TCF25: variants seen among roughly 807,000 people sequenced by gnomAD.
TCF25 encodes ribosome quality control complex subunit TCF25.
Under a neutral mutation model 83.1 loss-of-function variants are expected in TCF25, and 41 were observed. The ratio of observed to expected loss-of-function variants is 0.49; its 90% confidence interval spans 0.38 to 0.64. The LOEUF (loss-of-function observed/expected upper bound fraction) is 0.64, where lower values mean the gene tolerates loss of function less well. TCF25 is among the 30% of genes least tolerant of loss of function. The probability of loss-of-function intolerance (pLI) is 0.00; values close to 1 mark genes in which losing one functional copy is unlikely to be tolerated. For synonymous variants in TCF25, 458 were observed against 365.0 expected, an observed-to-expected ratio of 1.25 and a Z score of -2.90; for missense variants, 979 against 914.5, an observed-to-expected ratio of 1.07 and a Z score of -0.91.
intron 1 of TCF25, chr16:89,878,605 C>T: frequency 8.7e-7 from 1 of 1,143,930 alleles, no homozygotes; most frequent in Non-Finnish European, 1.1e-6. Flanking sequence ...GACCCTAAAA[C>T]TAATGAAAAT....
chr16:89,886,436 AAT>A (rs2043024115), intron 4 of TCF25, among the ~76,000 whole-genome samples: 1 of 149,468 alleles, frequency 6.7e-6, no homozygotes, highest in East Asian at 2.0e-4. Context: ...TCAAAAAAAT[AAT>A]AATAATAATA....
At chr16:89,897,268 T>C (rs755901623) in intron 9 of TCF25, among the ~76,000 whole-genome samples, 2 of 152,242 alleles carry the variant, frequency 1.3e-5, no homozygotes, top group Non-Finnish European at 2.9e-5. Flanking sequence ...CAGATACTTC[T>C]GCCCCTAAAG....
chr16:89,899,668 C>T (rs1044409097), intron 11 of TCF25, among the ~76,000 whole-genome samples: 5 of 151,632 alleles, frequency 3.3e-5, no homozygotes, highest in East Asian at 3.9e-4. Context: ...GTGGAGGTTG[C>T]GGTGAGCCGA....
intron 6 of TCF25, among the ~76,000 whole-genome samples, chr16:89,893,397 G>C (rs7199685): frequency 0.22 from 33,813 of 152,200 alleles, 6,073 homozygotes; most frequent in African/African-American, 0.49. Flanking sequence ...AGTGCTCGGC[G>C]TGGTCAGATC....
At chr16:89,906,384 T>C in intron 15 of TCF25, 100 bp downstream of exon 15, 1 of 1,207,670 alleles carries the variant, frequency 8.3e-7, no homozygotes, top group Non-Finnish European at 1.2e-6. Context: ...TGGTGCGGGC[T>C]CCCTCAGCAG....
chr16:89,911,203 G>T lies in TCF25; in HGVS notation c.1996G>T (p.Glu666Ter). Reference protein sequence around the residue: ...FHLNDLEAPHEDDAEGEGEWD With the variant: ...FHLNDLEAPH ...CCTCAACGACCTGGAGGCGCCGCAC[G>T]AGGACGACGCTGAGGGGGAGGGGGA... Residue 666 changes from glutamate (E) to a stop codon, truncating the protein, a stop_gained, in exon 18 of 18, where the codon GAG becomes TAG. Transcript: ENST00000263346. LOFTEE classifies it high-confidence loss of function. 1 of 1,612,466 alleles carries T rather than the reference G, an allele frequency of 6.2e-7. No individual in the cohort carries two copies. Among genetic ancestry groups the T allele is most frequent in the Non-Finnish European group, 8.5e-7 (1 of 1,179,936 alleles).
intron 1 of TCF25, among the ~76,000 whole-genome samples, chr16:89,881,604 C>T: frequency 6.6e-6 from 1 of 152,082 alleles, no homozygotes; most frequent in Non-Finnish European, 1.5e-5. Context: ...AGGTGTGTGC[C>T]ACCACACCCT....
intron 13 of TCF25, chr16:89,904,558 T>A: frequency 2.1e-6 from 1 of 486,212 alleles, no homozygotes; most frequent in African/African-American, 1.9e-5. Flanking sequence ...CCAGCCTGGG[T>A]GATGGTGAGA....
intron 5 of TCF25, chr16:89,890,378 C>T (rs971971871): frequency 6.6e-6 from 1 of 152,224 alleles, no homozygotes; most frequent in Admixed American, 6.6e-5. Context: ...AGTAGAGTTA[C>T]GTGGCTCACA....
chr16:89,879,321 CTG>C (rs138441461), intron 1 of TCF25, among the ~76,000 whole-genome samples: 2,467 of 131,918 alleles, frequency 0.019, 215 homozygotes, highest in African/African-American at 0.076. Flanking sequence ...GTCACACGTG[CTG>C]TTCGTGTACA....
chr16:89,895,928 G>A (rs2043815301), intron 8 of TCF25, 62 bp from the exon 9 acceptor site: 1 of 1,450,206 alleles, frequency 6.9e-7, no homozygotes, highest in African/African-American at 1.4e-5. Context: ...CATTATCAGA[G>A]GAGGGGCCGT....
intron 2 of TCF25, among the ~76,000 whole-genome samples, chr16:89,884,332 G>A (rs1306677447): frequency 3.3e-5 from 5 of 152,152 alleles, no homozygotes; most frequent in African/African-American, 7.2e-5. Context: ...AGCTGGACCT[G>A]GTCAGGGTCC....
At chr16:89,892,115 T>C (rs1487674922) in intron 5 of TCF25, 78 bp from the exon 6 acceptor site, 3 of 1,418,082 alleles carry the variant, frequency 2.1e-6, no homozygotes, top group Admixed American at 2.5e-5. Context: ...CCACAGCCCG[T>C]GCAGGGATCA....
rs748716945 is a variant in TCF25 at position 89,898,862 on chromosome 16, A to G, written c.1211A>G (p.Gln404Arg). ...RNYEYLIRLF[Q>R]EWEAHRNLSQ... ...TACGAGTACCTGATCCGCCTCTTCC[A>G]GGAGTGGGAGGTGGGTGCGAGCCTG... Residue 404 changes from glutamine to arginine, a missense_variant, in exon 11 of 18, where the codon CAG becomes CGG. Transcript: ENST00000263346. 2 of 1,613,726 alleles carry G rather than the reference A, an allele frequency of 1.2e-6. No homozygotes were observed. Among genetic ancestry groups the G allele is most frequent in the South Asian group, 2.2e-5 (2 of 91,076 alleles).
intron 1 of TCF25, among the ~76,000 whole-genome samples, chr16:89,876,758 C>T (rs915780747): frequency 6.6e-6 from 1 of 152,036 alleles, no homozygotes; most frequent in East Asian, 1.9e-4. Flanking sequence ...AACCCCGCCT[C>T]TACTAAAGAA....
intron 12 of TCF25, chr16:89,901,113 G>T: frequency 4.1e-6 from 1 of 246,014 alleles, no homozygotes; most frequent in Admixed American, 4.7e-5. Context: ...GGAGAGCAAA[G>T]CAGGGGAAGG....
At chr16:89,874,656 C>T (rs1001044412) in intron 1 of TCF25, 1 of 152,316 alleles carries the variant, frequency 6.6e-6, no homozygotes, top group African/African-American at 2.4e-5. Context: ...GGTCCTGTGA[C>T]GTTTTCTCCT....
At chr16:89,883,732 G>A (rs928983117) in intron 2 of TCF25, 6 of 550,806 alleles carry the variant, frequency 1.1e-5, no homozygotes, top group Admixed American at 3.1e-5. Context: ...GAGAGTCTGC[G>A]CCTGCCCAGC....
intron 12 of TCF25, 30 bp from the exon 13 acceptor site, chr16:89,904,088 G>GC (rs1567733410): frequency 6.3e-7 from 1 of 1,589,848 alleles, no homozygotes. Flanking sequence ...TGTGCTGAGG[G>GC]CCCCCACAGA....
Sources: allele counts gnomAD v4.1 joint callset (sites outside exome capture counted in the v4.1 genomes callset), GRCh38; gene constraint gnomAD v4.1.1; transcripts MANE v1.5; gene names NCBI Gene and HGNC (gene_info 2026-07-23, HGNC 2026-07-21).